The following CA10 variants were observed in gnomAD, a reference collection of about 807,000 sequenced individuals.
CA10 encodes the protein carbonic anhydrase 10 (inactive).
CA10 carries 14 observed loss-of-function variants against 44.2 expected under a neutral mutation model. The observed-to-expected ratio is 0.32, with a 90% CI of 0.21 to 0.50. The LOEUF (loss-of-function observed/expected upper bound fraction) is 0.50, where lower values mean the gene tolerates loss of function less well. Ranked by LOEUF, CA10 falls within the 20% of genes least tolerant of loss-of-function variation. The probability of loss-of-function intolerance (pLI) is 0.99; values close to 1 mark genes in which losing one functional copy is unlikely to be tolerated. For missense variants in CA10, 350 were observed against 409.7 expected, an observed-to-expected ratio of 0.85 and a Z score of 1.26; for synonymous variants, 159 against 141.6, an observed-to-expected ratio of 1.12 and a Z score of -0.87.
At chr17:51,800,845 T>A (rs1037542138) in intron 3 of CA10, among the ~76,000 whole-genome samples, 2 of 152,332 alleles carry the variant, frequency 1.3e-5, no homozygotes, top group Admixed American at 1.3e-4. Context: ...CTCAGATATC[T>A]TTCCTAGATT....
chr17:51,873,434 G>A (rs760900729), intron 3 of CA10, among the ~76,000 whole-genome samples: 9 of 152,270 alleles, frequency 5.9e-5, no homozygotes, highest in Non-Finnish European at 1.0e-4. Flanking sequence ...CTCAGCAATC[G>A]TTCTATCATC....
chr17:51,635,049 G>T (rs1912762363), intron 7 of CA10, among the ~76,000 whole-genome samples: 1 of 152,282 alleles, frequency 6.6e-6, no homozygotes, highest in Non-Finnish European at 1.5e-5. Context: ...TGAAGGTACT[G>T]GTAACCCCTA....
intron 4 of CA10, among the ~76,000 whole-genome samples, chr17:51,688,264 C>G (rs1317232094): frequency 6.6e-6 from 1 of 152,272 alleles, no homozygotes; most frequent in African/African-American, 2.4e-5. Flanking sequence ...TCGGAAGACC[C>G]CTAGCCAGAA....
intron 3 of CA10, among the ~76,000 whole-genome samples, chr17:51,835,591 C>T (rs772276889): frequency 5.9e-5 from 9 of 152,164 alleles, no homozygotes; most frequent in East Asian, 5.8e-4. Flanking sequence ...TGTTATCTTT[C>T]GATTCAACAA....
intron 3 of CA10, among the ~76,000 whole-genome samples, chr17:51,857,297 A>G (rs547983756): frequency 2.5e-4 from 38 of 152,310 alleles, no homozygotes; most frequent in African/African-American, 9.1e-4. Flanking sequence ...GAGAAGTGAC[A>G]TAATCTGCAT....
intron 2 of CA10, among the ~76,000 whole-genome samples, chr17:52,049,719 C>A (rs2143037798): frequency 6.6e-6 from 1 of 152,144 alleles, no homozygotes; most frequent in East Asian, 1.9e-4. Flanking sequence ...ACTTCTCCTG[C>A]CAACAAGATG....
chr17:51,940,127 T>C (rs909000555), intron 2 of CA10, among the ~76,000 whole-genome samples: 11 of 152,268 alleles, frequency 7.2e-5, no homozygotes, highest in African/African-American at 2.6e-4. Flanking sequence ...AAGTGAATAA[T>C]GCCAGCATTA....
intron 3 of CA10, among the ~76,000 whole-genome samples, chr17:51,818,406 C>T (rs917100420): frequency 2.0e-5 from 3 of 152,170 alleles, no homozygotes; most frequent in African/African-American, 4.8e-5. Flanking sequence ...CGCAGCACAT[C>T]GTAGAATGAT....
chr17:52,110,659 C>G (rs866122071), intron 1 of CA10, among the ~76,000 whole-genome samples: 5 of 152,304 alleles, frequency 3.3e-5, no homozygotes, highest in Admixed American at 1.3e-4. Context: ...TAGCTTCAGC[C>G]TGATCCCACA....
At chr17:51,910,937 G>A (rs1981766657) in intron 3 of CA10, among the ~76,000 whole-genome samples, 1 of 152,122 alleles carries the variant, frequency 6.6e-6, no homozygotes, top group Admixed American at 6.6e-5. Flanking sequence ...TATCACTTTT[G>A]TCAAGTCTGA....
At chr17:51,744,222 G>C (rs906288095) in intron 4 of CA10, among the ~76,000 whole-genome samples, 3 of 151,948 alleles carry the variant, frequency 2.0e-5, no homozygotes, top group African/African-American at 7.3e-5. Context: ...GGCTGAGGTA[G>C]GAGAATCGCT....
Position 52,072,383 on chromosome 17 carries a change from A to G in CA10, c.72T>C (p.Asn24=), listed in dbSNP as rs371600179. 17 of 1,612,962 alleles carry G rather than the reference A, an allele frequency of 1.1e-5. No individual in the cohort carries two copies. Among genetic ancestry groups the G allele is most frequent in the East Asian group, 2.2e-5 (1 of 44,862 alleles). ...ACCAGCCTTCATGGATTTTTGGTGAATTCTGTTGAGCTAAAGGAAAAGCAA... is the reference window on the plus strand; with the variant it reads ...ACCAGCCTTCATGGATTTTTGGTGAGTTCTGTTGAGCTAAAGGAAAAGCAA... ...NFIVCISAQQ[N]SPKIHEGWWA... The change falls in exon 2 of 9, where the codon AAT becomes AAC. Residue 24 remains asparagine (N), a synonymous_variant. Transcript: ENST00000451037.
At chr17:51,943,742 A>G (rs1196718128) in intron 2 of CA10, among the ~76,000 whole-genome samples, 1 of 152,216 alleles carries the variant, frequency 6.6e-6, no homozygotes, top group Admixed American at 6.5e-5. Context: ...CTTCCCATGC[A>G]ATTGTCCATA....
intron 6 of CA10, among the ~76,000 whole-genome samples, chr17:51,638,630 C>T (rs565279850): frequency 6.6e-6 from 1 of 152,308 alleles, no homozygotes; most frequent in East Asian, 1.9e-4. Context: ...TCTTAAGTCC[C>T]TAAGATGTGT....
intron 4 of CA10, among the ~76,000 whole-genome samples, chr17:51,718,606 G>A (rs576097538): frequency 1.3e-5 from 2 of 152,310 alleles, no homozygotes; most frequent in South Asian, 4.1e-4. Context: ...ATTTCTGTGA[G>A]CTGCTCTAGC....
chr17:51,797,115 C>T (rs1187837460), intron 3 of CA10, among the ~76,000 whole-genome samples: 1 of 152,204 alleles, frequency 6.6e-6, no homozygotes, highest in African/African-American at 2.4e-5. Flanking sequence ...TGCACAGCTC[C>T]AGAGTGCATC....
chr17:51,707,200 C>T (rs1326268837), intron 4 of CA10, among the ~76,000 whole-genome samples: 4 of 152,046 alleles, frequency 2.6e-5, no homozygotes, highest in Admixed American at 2.6e-4. Context: ...GGGGTGAAGC[C>T]TTATGTGTAT....
At chr17:51,893,337 A>G (rs1278079992) in intron 3 of CA10, among the ~76,000 whole-genome samples, 2 of 152,146 alleles carry the variant, frequency 1.3e-5, no homozygotes, top group Non-Finnish European at 2.9e-5. Flanking sequence ...ATGCAGAAAC[A>G]TAGCAACCAT....
chr17:51,805,781 C>T (rs1472869800), intron 3 of CA10, among the ~76,000 whole-genome samples: 1 of 152,158 alleles, frequency 6.6e-6, no homozygotes, highest in Admixed American at 6.5e-5. Flanking sequence ...CACTCCCACC[C>T]CTGGGCAACC....
Sources: gnomAD v4.1 joint callset for allele counts (sites outside exome capture counted in the v4.1 genomes callset) on GRCh38, gnomAD v4.1.1 for gene constraint, MANE v1.5 for transcripts, NCBI Gene and HGNC (gene_info 2026-07-23, HGNC 2026-07-21) for gene names.